Variants in EPB41L3 observed in about 807,000 individuals in gnomAD.
The protein encoded by EPB41L3 is erythrocyte membrane protein band 4.1 like 3, also known as band 4.1-like protein 3.
In EPB41L3, 57 loss-of-function variants were observed where a neutral mutation model predicts 127.1. That is an observed-to-expected ratio of 0.45 (90% CI 0.36 to 0.56). EPB41L3 has a LOEUF of 0.56. Among genes scored for constraint, EPB41L3 ranks in the 20% least tolerant of loss-of-function variants. EPB41L3 has a pLI of 0.00. For missense variants in EPB41L3, 1,273 were observed against 1,372.2 expected (o/e 0.93, Z 1.14); for synonymous variants, 572 against 549.5 (o/e 1.04, Z -0.57).
intron 1 of EPB41L3, among the ~76,000 whole-genome samples, chr18:5,622,081 A>C (rs188852979): frequency 6.6e-6 from 1 of 152,104 alleles, no homozygotes; most frequent in African/African-American, 2.4e-5. Context: ...AACATGAAAA[A>C]GGGCAAAAGA....
intron 14 of EPB41L3, among the ~76,000 whole-genome samples, chr18:5,409,859 A>C (rs2075978815): frequency 6.6e-6 from 1 of 152,134 alleles, no homozygotes; most frequent in Admixed American, 6.5e-5. Flanking sequence ...TTAACTACTT[A>C]ATGGTAGAGA....
At chr18:5,407,886 C>T in intron 14 of EPB41L3, 150 bp from the exon 15 acceptor site, 1 of 687,702 alleles carries the variant, frequency 1.5e-6, no homozygotes, top group South Asian at 1.8e-5. Context: ...CAAACCACAA[C>T]ATTCTCACAC....
rs144097441 is a variant in EPB41L3, at chr18:5,392,463, A to C, written c.*1022T>G. 2.0e-5 allele frequency: 3 copies of C among 152,742 alleles called. No homozygotes were observed. The highest frequency in any genetic ancestry group is 4.4e-5 in the Non-Finnish European group (3 of 68,028). 9.5% of individuals were successfully genotyped at this position (152,742 alleles called of 1,614,324 possible). ...TGGGCTGTGATGCAGGTGATCGTGT[A>C]ATGGAGAATCTCTCTTTTTGAAGGC... On this transcript the variant is annotated 3_prime_UTR_variant, in exon 23 of 23. Transcript: ENST00000341928.
At chr18:5,468,578 A>C (rs2085447651) in intron 3 of EPB41L3, among the ~76,000 whole-genome samples, 1 of 152,160 alleles carries the variant, frequency 6.6e-6, no homozygotes, top group African/African-American at 2.4e-5. Context: ...CACACTCGAC[A>C]GGATGACCGG....
chr18:5,396,652 G>A (rs1057380832), intron 18 of EPB41L3, among the ~76,000 whole-genome samples: 2 of 152,166 alleles, frequency 1.3e-5, no homozygotes, highest in African/African-American at 4.8e-5. Context: ...CTCAATAAAA[G>A]AGGATAAAGA....
chr18:5,411,847 G>A (rs891556431), intron 13 of EPB41L3, among the ~76,000 whole-genome samples: 3 of 152,072 alleles, frequency 2.0e-5, no homozygotes, highest in African/African-American at 4.8e-5. Flanking sequence ...TTCATGTTAC[G>A]TACTCCTAAA....
At chr18:5,408,291 T>TTTTA (rs1568020428) in intron 14 of EPB41L3, among the ~76,000 whole-genome samples, 1 of 149,960 alleles carries the variant, frequency 6.7e-6, no homozygotes, top group African/African-American at 2.5e-5. Flanking sequence ...TTTTTTTTTT[T>TTTTA]GAGACAGAGT....
chr18:5,400,724 C>A (rs1056239707), intron 16 of EPB41L3: 1 of 542,924 alleles, frequency 1.8e-6, no homozygotes, highest in African/African-American at 1.9e-5. Context: ...GAAAGTAAGT[C>A]AATGACAACA....
chr18:5,489,987 C>T (rs1210594994), intron 1 of EPB41L3, among the ~76,000 whole-genome samples: 3 of 152,182 alleles, frequency 2.0e-5, no homozygotes, highest in African/African-American at 7.2e-5. Flanking sequence ...GAACATCTTC[C>T]CAAAGATTGC....
rs2077729179 is a variant in EPB41L3 at position 5,423,419 on chromosome 18, G to A, written c.1298C>T (p.Ser433Leu). ...AGACATGGTATAACGTTTGCTGGAT[G>A]AGCGTTCAAAGTAAGGTGCTGGGCG... ...IDRPAPYFER[S>L]SSKRYTMSRS... is the part of the protein sequence containing the mutation. Residue 433 changes from serine to leucine, a missense_variant, in exon 11 of 23, where the codon TCA becomes TTA. Ser to Leu is a moderately radical substitution (Grantham distance 145). Coordinates refer to ENST00000341928, the MANE Select transcript of EPB41L3 (RefSeq NM_012307.5). 6.2e-7 allele frequency: 1 copy of A among 1,613,040 alleles called. No individual in the cohort carries two copies. The highest frequency in any genetic ancestry group is 8.5e-7 in the Non-Finnish European group (1 of 1,179,164).
chr18:5,568,305 G>A (rs1400994275), intron 3 of EPB41L3, among the ~76,000 whole-genome samples: 3 of 151,512 alleles, frequency 2.0e-5, no homozygotes, highest in Non-Finnish European at 2.9e-5. Flanking sequence ...TTTCAGTGTT[G>A]TTTAGGTGGC....
intron 3 of EPB41L3, among the ~76,000 whole-genome samples, chr18:5,449,041 G>C (rs564376680): frequency 1.3e-5 from 2 of 152,106 alleles, no homozygotes; most frequent in Non-Finnish European, 2.9e-5. Context: ...AACTTAAAGA[G>C]AATGAAAAGG....
intron 3 of EPB41L3, chr18:5,570,197 G>T (rs1285724495): frequency 6.6e-6 from 1 of 152,032 alleles, no homozygotes; most frequent in African/African-American, 2.4e-5. Context: ...ACCATCCTCT[G>T]TCACCCCTCA....
chr18:5,539,516 A>T (rs1267360271), intron 1 of EPB41L3: 1 of 152,158 alleles, frequency 6.6e-6, no homozygotes, highest in Non-Finnish European at 1.5e-5. Flanking sequence ...TTCTTGTGCC[A>T]TTCTTCCCAA....
At chr18:5,532,234 T>C (rs1342400465) in intron 1 of EPB41L3, among the ~76,000 whole-genome samples, 1 of 152,208 alleles carries the variant, frequency 6.6e-6, no homozygotes, top group Non-Finnish European at 1.5e-5. Context: ...CAGTGTTCAC[T>C]GGTATTTGAA....
intron 2 of EPB41L3, 90 bp from the exon 3 acceptor site, chr18:5,478,528 T>C: frequency 8.7e-7 from 1 of 1,143,202 alleles, no homozygotes; most frequent in Non-Finnish European, 1.3e-6. Context: ...TGCTTTCTAT[T>C]TCATAGAGGA....
At chr18:5,492,011 A>C (rs995062653) in intron 1 of EPB41L3, among the ~76,000 whole-genome samples, 1 of 152,178 alleles carries the variant, frequency 6.6e-6, no homozygotes, top group Non-Finnish European at 1.5e-5. Flanking sequence ...TGGCAAACTA[A>C]TATCAACATC....
intron 6 of EPB41L3, among the ~76,000 whole-genome samples, chr18:5,436,448 G>A (rs1304220517): frequency 2.7e-5 from 3 of 110,294 alleles, no homozygotes; most frequent in African/African-American, 1.0e-4. Flanking sequence ...TCACTCTGTT[G>A]CCCAGGCTGG....
intron 14 of EPB41L3, among the ~76,000 whole-genome samples, chr18:5,409,416 G>C (rs1304491606): frequency 1.3e-5 from 2 of 152,052 alleles, no homozygotes; most frequent in South Asian, 2.1e-4. Context: ...TAAAATCAAG[G>C]TGTAGCTTTG....
Sources: allele counts gnomAD v4.1 joint callset (sites outside exome capture counted in the v4.1 genomes callset), GRCh38; gene constraint gnomAD v4.1.1; transcripts MANE v1.5; gene names NCBI Gene and HGNC (gene_info 2026-07-23, HGNC 2026-07-21).